DOK6: variants seen among roughly 807,000 people sequenced by gnomAD.
The protein encoded by DOK6 is docking protein 6.
A neutral mutation model predicts 44.0 loss-of-function variants in DOK6; 22 were observed. That is an observed-to-expected ratio of 0.50 (90% confidence interval 0.36 to 0.71). DOK6 has a LOEUF of 0.71. DOK6 is among the 30% of genes least tolerant of loss of function. The probability of loss-of-function intolerance (pLI) is 0.00; values close to 1 mark genes in which losing one functional copy is unlikely to be tolerated. For missense variants in DOK6, 340 were observed against 416.4 expected, an observed-to-expected ratio of 0.82 and a Z score of 1.60; for synonymous variants, 166 against 145.5, an observed-to-expected ratio of 1.14 and a Z score of -1.01.
At chr18:69,537,053 C>A (rs984560012) in intron 1 of DOK6, among the ~76,000 whole-genome samples, 1 of 151,152 alleles carries the variant, frequency 6.6e-6, no homozygotes, top group Non-Finnish European at 1.5e-5. Flanking sequence ...CCGGGTCGGT[C>A]TGAAACTCCT....
intron 2 of DOK6, among the ~76,000 whole-genome samples, chr18:69,576,638 C>G (rs1303949861): frequency 6.6e-6 from 1 of 152,052 alleles, no homozygotes; most frequent in Non-Finnish European, 1.5e-5. Flanking sequence ...TATGAAACTG[C>G]TATAAAATGG....
intron 3 of DOK6, among the ~76,000 whole-genome samples, chr18:69,669,538 T>C (rs1169709972): frequency 6.6e-6 from 1 of 152,222 alleles, no homozygotes; most frequent in Non-Finnish European, 1.5e-5. Flanking sequence ...CTTGGCCTTT[T>C]ATATGACACC....
chr18:69,742,410 A>G (rs1336800905), intron 6 of DOK6, among the ~76,000 whole-genome samples: 10 of 90,902 alleles, frequency 1.1e-4, no homozygotes, highest in Non-Finnish European at 2.9e-4. Flanking sequence ...GTGAAACTCC[A>G]TCTCAAAAAA....
intron 5 of DOK6, 135 bp from the exon 6 acceptor site, chr18:69,738,830 G>T: frequency 9.3e-7 from 1 of 1,072,466 alleles, no homozygotes; most frequent in Non-Finnish European, 1.3e-6. Flanking sequence ...GTTTGGTTAC[G>T]GCTGAATCAG....
chr18:69,734,147 A>C (rs1172924310), intron 5 of DOK6, among the ~76,000 whole-genome samples: 1 of 147,706 alleles, frequency 6.8e-6, no homozygotes, highest in Non-Finnish European at 1.5e-5. Flanking sequence ...ATGGATTCAA[A>C]TTTTTTTTTT....
intron 1 of DOK6, among the ~76,000 whole-genome samples, chr18:69,449,540 T>G (rs915764807): frequency 6.6e-5 from 10 of 152,214 alleles, no homozygotes; most frequent in African/African-American, 2.4e-4. Flanking sequence ...TATATAACCA[T>G]GTATGAAAAT....
intron 7 of DOK6, among the ~76,000 whole-genome samples, chr18:69,797,170 C>T (rs1035732747): frequency 6.6e-6 from 1 of 152,108 alleles, no homozygotes; most frequent in African/African-American, 2.4e-5. Flanking sequence ...TAGGGCTTCT[C>T]ACCAACCGAA....
intron 3 of DOK6, among the ~76,000 whole-genome samples, chr18:69,627,989 C>T (rs565871253): frequency 2.5e-4 from 38 of 152,236 alleles, no homozygotes; most frequent in African/African-American, 8.7e-4. Context: ...CTCATTTTCT[C>T]CTTTAAATGA....
chr18:69,437,361 A>T (rs1020539034), intron 1 of DOK6, among the ~76,000 whole-genome samples: 1 of 152,210 alleles, frequency 6.6e-6, no homozygotes, highest in Non-Finnish European at 1.5e-5. Flanking sequence ...GTCCAGTTTC[A>T]GTCTTTTGCA....
intron 4 of DOK6, among the ~76,000 whole-genome samples, chr18:69,683,106 G>C (rs1031118175): frequency 6.6e-6 from 1 of 151,702 alleles, no homozygotes; most frequent in African/African-American, 2.4e-5. Flanking sequence ...AAACAAAAGA[G>C]TTTTCCAGGG....
intron 1 of DOK6, among the ~76,000 whole-genome samples, chr18:69,544,097 A>AG (rs1481113548): frequency 6.7e-6 from 1 of 149,612 alleles, no homozygotes; most frequent in Non-Finnish European, 1.5e-5. Context: ...TCTCTACTAA[A>AG]AAAAAAAAAA....
chr18:69,434,118 T>C (rs1978882600), intron 1 of DOK6, among the ~76,000 whole-genome samples: 1 of 152,170 alleles, frequency 6.6e-6, no homozygotes, highest in Non-Finnish European at 1.5e-5. Context: ...TCAGTTTTGG[T>C]GTGAAAGCAA....
chr18:69,714,099 T>C (rs755931510), intron 5 of DOK6, among the ~76,000 whole-genome samples: 3 of 152,142 alleles, frequency 2.0e-5, no homozygotes, highest in Non-Finnish European at 2.9e-5. Context: ...TCCTGGTAAA[T>C]AGACTACTGA....
chr18:69,825,290 G>T (rs894611166), intron 7 of DOK6, among the ~76,000 whole-genome samples: 1 of 151,972 alleles, frequency 6.6e-6, no homozygotes, highest in Admixed American at 6.6e-5. Flanking sequence ...AAACATAAAT[G>T]GTTTACATTA....
intron 2 of DOK6, among the ~76,000 whole-genome samples, chr18:69,580,200 G>C (rs937501452): frequency 1.3e-5 from 2 of 152,068 alleles, no homozygotes. Context: ...AGGTGGACTG[G>C]GTTTTCATCT....
chr18:69,435,224 A>G (rs116670808), intron 1 of DOK6, among the ~76,000 whole-genome samples: 3,530 of 152,316 alleles, frequency 0.023, 156 homozygotes, highest in African/African-American at 0.08. Context: ...ATTGAGGCCA[A>G]TGAAATAGTA....
At chr18:69,821,412 A>C (rs1194548307) in intron 7 of DOK6, among the ~76,000 whole-genome samples, 4 of 152,200 alleles carry the variant, frequency 2.6e-5, no homozygotes, top group Non-Finnish European at 5.9e-5. Context: ...AAGCTCTCTT[A>C]ACAAAAGAAT....
intron 1 of DOK6, among the ~76,000 whole-genome samples, chr18:69,415,258 G>A (rs1330906738): frequency 6.6e-6 from 1 of 152,062 alleles, no homozygotes; most frequent in Non-Finnish European, 1.5e-5. Context: ...GTCTTCCAAT[G>A]TATGTAATGA....
intron 1 of DOK6, among the ~76,000 whole-genome samples, chr18:69,479,990 G>A (rs1980373980): frequency 6.6e-6 from 1 of 152,032 alleles, no homozygotes; most frequent in South Asian, 2.1e-4. Context: ...TAGTAAATTG[G>A]CACACTCAAA....
Sources: allele counts gnomAD v4.1 joint callset (sites outside exome capture counted in the v4.1 genomes callset), GRCh38; gene constraint gnomAD v4.1.1; transcripts MANE v1.5; gene names NCBI Gene and HGNC (gene_info 2026-07-23, HGNC 2026-07-21).